The following FGF13 variants were observed in gnomAD, a reference collection of about 807,000 sequenced individuals.
The protein encoded by FGF13 is fibroblast growth factor homologous factor 2.
FGF13 carries 2 observed loss-of-function variants against 19.5 expected under a neutral mutation model. The ratio of observed to expected loss-of-function variants is 0.10; its 90% CI spans 0.04 to 0.32. FGF13 has a LOEUF of 0.32. FGF13 is among the 10% of genes least tolerant of loss of function. FGF13 has a pLI of 1.00. For synonymous variants in FGF13, 72 were observed against 76.9 expected, an observed-to-expected ratio of 0.94 and a Z score of 0.33; for missense variants, 113 against 192.7, an observed-to-expected ratio of 0.59 and a Z score of 2.45.
At chrX:139,012,360 T>A (rs994955249) in intron 1 of FGF13, among the ~76,000 whole-genome samples, 2 of 111,034 alleles carry the variant, frequency 1.8e-5, no homozygotes, top group African/African-American at 3.3e-5. Context: ...AAAATTCAGA[T>A]GGGACCAAAA....
chrX:138,970,412 G>A (rs191431650), intron 1 of FGF13, among the ~76,000 whole-genome samples: 2 of 111,339 alleles, frequency 1.8e-5, no homozygotes, highest in Admixed American at 9.5e-5. Flanking sequence ...TGTCTGCACT[G>A]CCATATTGTT....
At chrX:138,820,586 A>G (rs747008776) in intron 3 of FGF13, among the ~76,000 whole-genome samples, 64 of 112,078 alleles carry the variant, frequency 5.7e-4, no homozygotes, top group African/African-American at 2.0e-3. Flanking sequence ...AAAACACACA[A>G]TTTGGCTCAC....
At chrX:139,019,080 G>A (rs143284224) in intron 1 of FGF13, among the ~76,000 whole-genome samples, 1 of 111,181 alleles carries the variant, frequency 9.0e-6, no homozygotes, top group Non-Finnish European at 1.9e-5. Flanking sequence ...ATAGAATGTT[G>A]TAAATGTATC....
intron 1 of FGF13, among the ~76,000 whole-genome samples, chrX:139,011,612 G>C (rs193012303): frequency 1.8e-5 from 2 of 111,481 alleles, no homozygotes; most frequent in Admixed American, 1.9e-4. Context: ...AATAGATGCA[G>C]AAAAAGCATT....
At chrX:138,703,553 T>A (rs1044033416) in intron 2 of FGF13, among the ~76,000 whole-genome samples, 1 of 112,142 alleles carries the variant, frequency 8.9e-6, no homozygotes, top group African/African-American at 3.2e-5. Context: ...CACAGTCATA[T>A]TTAAAATCTA....
intron 3 of FGF13, among the ~76,000 whole-genome samples, chrX:138,698,735 G>A (rs895683066): frequency 9.0e-6 from 1 of 111,575 alleles, no homozygotes; most frequent in Admixed American, 9.5e-5. Flanking sequence ...ATTCTGATGG[G>A]TACCTAAGGC....
At chrX:138,980,607 C>G (rs506820) in intron 1 of FGF13, among the ~76,000 whole-genome samples, 1 of 109,198 alleles carries the variant, frequency 9.2e-6, no homozygotes, top group Non-Finnish European at 1.9e-5. Context: ...TTGATAAATT[C>G]TAATAATCTT....
Position 139,047,489 on chromosome X carries a change from G to A in FGF13, c.-113+155927C>T, listed in dbSNP as rs191346298. Reference sequence around the variant, plus strand: ...ATGTATACATGTGCCATGCTGGTGCGCTGCACCCACTAACTCGTATACTCT... The same window carrying A: ...ATGTATACATGTGCCATGCTGGTGCACTGCACCCACTAACTCGTATACTCT... On this transcript the variant is annotated intron_variant, in intron 1 of 2. Transcript: ENST00000421460. 2.6e-4 allele frequency among the ~76,000 whole-genome samples: 29 copies of A among 110,621 alleles called. No individual in the cohort carries two copies. In the East Asian group the frequency reaches 6.2e-3, roughly 24 times the overall value.
chrX:138,957,001 C>T (rs1484826703), intron 1 of FGF13, among the ~76,000 whole-genome samples: 4 of 111,801 alleles, frequency 3.6e-5, no homozygotes, highest in Non-Finnish European at 7.5e-5. Flanking sequence ...TCCCCATATG[C>T]TCTAAATCAA....
intron 1 of FGF13, among the ~76,000 whole-genome samples, chrX:139,042,797 A>G (rs1452936899): frequency 9.0e-6 from 1 of 111,482 alleles, no homozygotes; most frequent in East Asian, 2.8e-4. Context: ...TCCCCGTATA[A>G]TGTTAAATTT....
At chrX:139,145,777 C>G (rs773011137) in intron 1 of FGF13, among the ~76,000 whole-genome samples, 15 of 111,512 alleles carry the variant, frequency 1.3e-4, no homozygotes, top group African/African-American at 4.2e-4. Flanking sequence ...TCCCAACACC[C>G]TCTTCCAGGA....
intron 1 of FGF13, among the ~76,000 whole-genome samples, chrX:138,876,560 G>C (rs1305065533): frequency 8.9e-6 from 1 of 112,161 alleles, no homozygotes; most frequent in Non-Finnish European, 1.9e-5. Flanking sequence ...GGCCCTGTGT[G>C]ACAGCCAGCA....
Position 138,913,182 on chromosome X carries a change from C to CTTTTTTT in FGF13, c.-112-48539_-112-48533dup, listed in dbSNP as rs35078012. ...TGCACCTGGAAAGAAAAAGCATCTA[C>CTTTTTTT]TTTTTTTTTTTTTTTTTTTTTTTTT... On this transcript the variant is annotated intron_variant, in intron 1 of 2. Coordinates refer to the FGF13 transcript ENST00000421460. 3.2e-4 allele frequency among the ~76,000 whole-genome samples: 12 copies of CTTTTTTT among 37,094 alleles called. 4 individuals are homozygous for CTTTTTTT. Among genetic ancestry groups the CTTTTTTT allele is most frequent in the African/African-American group, 1.1e-3 (9 of 8,001 alleles). The allele number at this position is 37,094 out of a possible 115,157, so 32.2% of individuals were successfully genotyped here. A position where few individuals can be genotyped will look rare whatever the true frequency, so the allele number is the denominator to read the frequency against.
At chrX:139,190,862 C>A (rs994444892) in intron 1 of FGF13, among the ~76,000 whole-genome samples, 17 of 111,843 alleles carry the variant, frequency 1.5e-4, no homozygotes, top group African/African-American at 5.2e-4. Context: ...GAAACAAATG[C>A]CTCAACAAGA....
At chrX:138,857,660 AG>A in exon 3 of FGF13, 3 of 1,197,250 alleles carry the variant, frequency 2.5e-6, no homozygotes, top group East Asian at 3.0e-5. Context: ...CCTGTGTGCC[AG>A]GGGGGGCGTC....
chrX:138,901,855 A>T (rs900782438), intron 1 of FGF13, among the ~76,000 whole-genome samples: 5 of 112,544 alleles, frequency 4.4e-5, no homozygotes, highest in Non-Finnish European at 7.5e-5. Flanking sequence ...AGGATGTAAG[A>T]AAAAAACGGC....
intron 1 of FGF13, among the ~76,000 whole-genome samples, chrX:139,076,858 A>G (rs1007542073): frequency 1.8e-5 from 2 of 112,357 alleles, no homozygotes; most frequent in African/African-American, 6.5e-5. Flanking sequence ...TGGCCCATGC[A>G]CAAATTATGT....
intron 1 of FGF13, among the ~76,000 whole-genome samples, chrX:138,927,543 T>A (rs1163410945): frequency 1.8e-5 from 2 of 112,359 alleles, no homozygotes; most frequent in Non-Finnish European, 3.8e-5. Context: ...CTCTACTGCA[T>A]CCTCCTACAC....
At chrX:138,741,442 T>G (rs1323817790), upstream of FGF13, among the ~76,000 whole-genome samples, 3 of 111,495 alleles carry the variant, frequency 2.7e-5, no homozygotes, top group Non-Finnish European at 3.8e-5. Context: ...AAAATTTATT[T>G]CTGCTATCCT....
Sources: allele counts gnomAD v4.1 joint callset (sites outside exome capture counted in the v4.1 genomes callset), GRCh38; gene constraint gnomAD v4.1.1; transcripts MANE v1.5; gene names NCBI Gene and HGNC (gene_info 2026-07-23, HGNC 2026-07-21).